SHANK2: variants seen among roughly 807,000 people sequenced by gnomAD.
The protein encoded by SHANK2 is SH3 and multiple ankyrin repeat domains protein 2.
A neutral mutation model predicts 133.7 loss-of-function variants in SHANK2; 43 were observed. The ratio of observed to expected loss-of-function variants is 0.32; its 90% CI spans 0.25 to 0.41. The LOEUF is 0.41. Ranked by LOEUF, SHANK2 falls within the 10% of genes least tolerant of loss-of-function variation. The pLI, the probability that SHANK2 is intolerant of heterozygous loss-of-function variation, is 1.00. For synonymous variants in SHANK2, 1,017 were observed against 952.8 expected, an observed-to-expected ratio of 1.07 and a Z score of -1.24; for missense variants, 1,994 against 2,235.8, an observed-to-expected ratio of 0.89 and a Z score of 2.18.
At chr11:70,520,576 G>A (rs1231802377) in intron 17 of SHANK2, among the ~76,000 whole-genome samples, 1 of 152,116 alleles carries the variant, frequency 6.6e-6, no homozygotes, top group Non-Finnish European at 1.5e-5. Flanking sequence ...AGGGCTCACT[G>A]GGCTCCCCCG....
intron 11 of SHANK2, among the ~76,000 whole-genome samples, chr11:70,891,475 C>A (rs1555074717): frequency 6.6e-6 from 1 of 152,166 alleles, no homozygotes; most frequent in Admixed American, 6.5e-5. Flanking sequence ...GCACTCCAGC[C>A]TGGGTGACAG....
chr11:70,825,510 T>C (rs1555057016), intron 11 of SHANK2, among the ~76,000 whole-genome samples: 1 of 152,220 alleles, frequency 6.6e-6, no homozygotes, highest in East Asian at 1.9e-4. Flanking sequence ...TTTTACTCTG[T>C]AGACCACGCA....
intron 17 of SHANK2, among the ~76,000 whole-genome samples, chr11:70,637,047 A>G (rs1350834291): frequency 1.3e-5 from 2 of 151,386 alleles, no homozygotes; most frequent in East Asian, 3.9e-4. Flanking sequence ...TCTGGTGGGC[A>G]CGTATGTGGG....
chr11:70,847,960 G>A (rs1246011942), intron 11 of SHANK2, among the ~76,000 whole-genome samples: 1 of 152,230 alleles, frequency 6.6e-6, no homozygotes, highest in Non-Finnish European at 1.5e-5. Flanking sequence ...GGGCTGCTGA[G>A]GTGACCGTGG....
chr11:70,679,271 A>C (rs1389072463), intron 15 of SHANK2, among the ~76,000 whole-genome samples: 4 of 152,246 alleles, frequency 2.6e-5, no homozygotes, highest in Non-Finnish European at 5.9e-5. Flanking sequence ...GCTGCGGCTC[A>C]GAAAGGTCCA....
At chr11:70,933,024 A>G in intron 10 of SHANK2, 1 of 417,874 alleles carries the variant, frequency 2.4e-6, no homozygotes, top group Non-Finnish European at 4.8e-6. Context: ...TCTATACCCA[A>G]AAGAATTCAA....
At chr11:70,822,170 T>C (rs1336828991) in intron 11 of SHANK2, among the ~76,000 whole-genome samples, 1 of 152,238 alleles carries the variant, frequency 6.6e-6, no homozygotes, top group Non-Finnish European at 1.5e-5. Context: ...CCCCGGCCCG[T>C]GATAATCGTG....
intron 17 of SHANK2, among the ~76,000 whole-genome samples, chr11:70,598,033 A>C (rs2060424230): frequency 6.6e-6 from 1 of 152,322 alleles, no homozygotes; most frequent in Admixed American, 6.5e-5. Flanking sequence ...CACAGCACAC[A>C]GGGCAATGCT....
intron 11 of SHANK2, chr11:70,864,048 C>T: frequency 2.9e-6 from 1 of 346,214 alleles, no homozygotes; most frequent in South Asian, 2.2e-5. Context: ...GTCTCTACGA[C>T]CTGGGCACCT....
chr11:70,860,633 G>T (rs1326920991), intron 11 of SHANK2, among the ~76,000 whole-genome samples: 6 of 152,188 alleles, frequency 3.9e-5, no homozygotes, highest in African/African-American at 1.4e-4. Context: ...TCTCTCACTT[G>T]AAGAAAATGG....
At chr11:70,528,151 A>T (rs2135960094) in intron 17 of SHANK2, among the ~76,000 whole-genome samples, 1 of 152,356 alleles carries the variant, frequency 6.6e-6, no homozygotes, top group East Asian at 1.9e-4. Context: ...CCTCGGCGTG[A>T]TGCTGCCAGC....
intron 17 of SHANK2, among the ~76,000 whole-genome samples, chr11:70,632,765 AG>A (rs1219020480): frequency 1.3e-5 from 2 of 152,190 alleles, no homozygotes; most frequent in East Asian, 1.9e-4. Flanking sequence ...GGGCTGCAGA[AG>A]AACATACTAA....
At chr11:71,167,899 CA>C in intron 2 of SHANK2, among the ~76,000 whole-genome samples, 1 of 147,502 alleles carries the variant, frequency 6.8e-6, no homozygotes, top group Admixed American at 6.6e-5. Context: ...ACCTCCCGGA[CA>C]GGGCGGCTGT....
At chr11:70,583,340 T>C (rs1171729416) in intron 17 of SHANK2, among the ~76,000 whole-genome samples, 4 of 152,024 alleles carry the variant, frequency 2.6e-5, no homozygotes, top group East Asian at 1.9e-4. Flanking sequence ...AGGGCCAGGA[T>C]AGAGCCAGAA....
chr11:70,578,164 C>T (rs1554984690), intron 17 of SHANK2, among the ~76,000 whole-genome samples: 1 of 152,218 alleles, frequency 6.6e-6, no homozygotes, highest in East Asian at 1.9e-4. Context: ...ACACTGTACT[C>T]TCGCCATTGC....
intron 14 of SHANK2, among the ~76,000 whole-genome samples, chr11:70,786,630 G>A (rs1555046522): frequency 6.6e-6 from 1 of 152,196 alleles, no homozygotes; most frequent in Non-Finnish European, 1.5e-5. Context: ...AGGGCACCAA[G>A]TGTGGTGTTG....
chr11:70,602,337 T>C (rs187429351), intron 17 of SHANK2, among the ~76,000 whole-genome samples: 80 of 152,324 alleles, frequency 5.3e-4, no homozygotes, highest in Non-Finnish European at 1.0e-3. Flanking sequence ...CTAATGCAAC[T>C]CCCTGCAGAG....
At chr11:70,494,184 G>A (rs1038763229) in intron 21 of SHANK2, among the ~76,000 whole-genome samples, 3 of 152,190 alleles carry the variant, frequency 2.0e-5, no homozygotes, top group African/African-American at 4.8e-5. Flanking sequence ...CAGCTGAGAC[G>A]TACACAACTC....
intron 2 of SHANK2, among the ~76,000 whole-genome samples, chr11:71,201,100 T>C (rs1954010685): frequency 6.6e-6 from 1 of 152,100 alleles, no homozygotes; most frequent in African/African-American, 2.4e-5. Context: ...CAATTAGCAG[T>C]GCCCAAAAAT....
Sources: gnomAD v4.1 joint callset for allele counts (sites outside exome capture counted in the v4.1 genomes callset) on GRCh38, gnomAD v4.1.1 for gene constraint, MANE v1.5 for transcripts, NCBI Gene and HGNC (gene_info 2026-07-23, HGNC 2026-07-21) for gene names.